NRXN3: variants seen among roughly 807,000 people sequenced by gnomAD.
NRXN3 encodes the protein neurexin III.
Under a neutral mutation model 137.6 loss-of-function variants are expected in NRXN3, and 32 were observed. That is an observed-to-expected ratio of 0.23 (90% CI 0.18 to 0.31). The LOEUF (loss-of-function observed/expected upper bound fraction) is 0.31. Ranked by LOEUF, NRXN3 falls within the 10% of genes least tolerant of loss-of-function variation. The pLI is 1.00. For synonymous variants in NRXN3, 798 were observed against 784.5 expected, an observed-to-expected ratio of 1.02 and a Z score of -0.29; for missense variants, 1,574 against 2,062.5, an observed-to-expected ratio of 0.76 and a Z score of 4.59.
At chr14:78,877,431 C>T (rs1156446141) in intron 10 of NRXN3, among the ~76,000 whole-genome samples, 1 of 152,258 alleles carries the variant, frequency 6.6e-6, no homozygotes. Context: ...CAACTCTCCT[C>T]CTTTTCACTC....
At chr14:79,081,782 A>G (rs1267317209) in intron 15 of NRXN3, among the ~76,000 whole-genome samples, 1 of 152,166 alleles carries the variant, frequency 6.6e-6, no homozygotes, top group Non-Finnish European at 1.5e-5. Flanking sequence ...CATTTTCCTC[A>G]TAGTAAACCA....
chr14:78,307,778 A>G (rs377096806), intron 4 of NRXN3, among the ~76,000 whole-genome samples: 23 of 152,142 alleles, frequency 1.5e-4, no homozygotes, highest in African/African-American at 5.5e-4. Context: ...AGAAGCGATG[A>G]CATGAAACCT....
intron 4 of NRXN3, among the ~76,000 whole-genome samples, chr14:78,506,471 AT>A (rs1049788667): frequency 1.8e-4 from 28 of 151,974 alleles, no homozygotes; most frequent in African/African-American, 5.8e-4. Flanking sequence ...TGGTAGTTTT[AT>A]TTTTAATCTT....
intron 20 of NRXN3, among the ~76,000 whole-genome samples, chr14:79,851,033 A>T (rs1568451690): frequency 6.6e-6 from 1 of 152,310 alleles, no homozygotes; most frequent in East Asian, 1.9e-4. Context: ...CCTACTTGTA[A>T]GAGTTTTAAA....
At chr14:78,637,900 T>C (rs2097580762) in intron 4 of NRXN3, among the ~76,000 whole-genome samples, 1 of 152,268 alleles carries the variant, frequency 6.6e-6, no homozygotes, top group Non-Finnish European at 1.5e-5. Context: ...ACCTGGTGCA[T>C]AGTAGGCACC....
intron 15 of NRXN3, among the ~76,000 whole-genome samples, chr14:79,299,952 G>A (rs1206650284): frequency 6.6e-6 from 1 of 152,044 alleles, no homozygotes; most frequent in Non-Finnish European, 1.5e-5. Context: ...CCATGTATAA[G>A]ACATTGTGCA....
chr14:78,643,956 C>A (rs2097660708), intron 4 of NRXN3, among the ~76,000 whole-genome samples: 1 of 152,028 alleles, frequency 6.6e-6, no homozygotes, highest in Non-Finnish European at 1.5e-5. Flanking sequence ...TCCTGGCCAA[C>A]ATGGTGAAAC....
At chr14:79,450,815 G>A (rs901289509) in intron 15 of NRXN3, among the ~76,000 whole-genome samples, 4 of 151,838 alleles carry the variant, frequency 2.6e-5, no homozygotes, top group Admixed American at 6.6e-5. Flanking sequence ...GCAGTGGGCC[G>A]GGCTCACGCC....
At chr14:79,221,498 T>C (rs1414351525) in intron 15 of NRXN3, among the ~76,000 whole-genome samples, 1 of 152,052 alleles carries the variant, frequency 6.6e-6, no homozygotes, top group East Asian at 1.9e-4. Flanking sequence ...ATTTCTCTAA[T>C]GACCAGTGAT....
At chr14:78,493,921 C>A (rs1364901708) in intron 4 of NRXN3, among the ~76,000 whole-genome samples, 1 of 152,150 alleles carries the variant, frequency 6.6e-6, no homozygotes, top group Non-Finnish European at 1.5e-5. Flanking sequence ...GAAGTAAACA[C>A]GCTGCAATGA....
chr14:78,474,626 AG>A lies in NRXN3; in HGVS notation c.758-170491del, dbSNP rs201294325. 6.2e-3 allele frequency among the ~76,000 whole-genome samples: 951 copies of A among 152,290 alleles called. 7 individuals carry two copies. The highest frequency in any genetic ancestry group is 0.022 in the African/African-American group (897 of 41,568). On this transcript the variant is annotated intron_variant, in intron 4 of 20. Coordinates refer to ENST00000335750, the MANE Select transcript of NRXN3 (RefSeq NM_001330195.2). The stretch of plus-strand genomic sequence containing the variant: ...ACTAAAAATAAGTTCCTGGTTGCTA[AG>A]GGCATGAATATCAGGAAGGAATTGA...
chr14:79,268,748 G>A (rs1446098105), intron 15 of NRXN3, among the ~76,000 whole-genome samples: 1 of 152,172 alleles, frequency 6.6e-6, no homozygotes, highest in Non-Finnish European at 1.5e-5. Flanking sequence ...CCTCCTGGCT[G>A]TGTGAGTATA....
chr14:79,742,279 T>A (rs551682777), intron 19 of NRXN3, among the ~76,000 whole-genome samples: 45 of 152,188 alleles, frequency 3.0e-4, no homozygotes, highest in Non-Finnish European at 5.7e-4. Flanking sequence ...TCTTTTGGAG[T>A]TTTGCATGAT....
At chr14:79,458,159 T>C (rs2096281229) in intron 15 of NRXN3, among the ~76,000 whole-genome samples, 1 of 152,150 alleles carries the variant, frequency 6.6e-6, no homozygotes, top group Non-Finnish European at 1.5e-5. Context: ...TATCTATTTA[T>C]TTTTACAAAA....
intron 10 of NRXN3, among the ~76,000 whole-genome samples, chr14:78,820,039 T>C (rs1206613918): frequency 2.0e-5 from 3 of 152,108 alleles, no homozygotes; most frequent in African/African-American, 7.2e-5. Flanking sequence ...ATAAAGTCCT[T>C]AAAATTTTTA....
In NRXN3 at chr14:78,645,328, G is replaced by A; in HGVS notation, c.966G>A (p.Gly322=). The change falls in exon 5 of 21, where the codon GGG becomes GGA. Residue 322 remains glycine (G), a synonymous_variant. Transcript: ENST00000335750. ...DGAVSLVINL[G]SGAFEAIVEP... ...CGGTCTCCTTGGTCATTAACCTGGG[G>A]TCCGGGGCCTTTGAGGCCATTGTGG... is the stretch of plus-strand genomic sequence containing the variant. 1 of 1,598,856 alleles carries A rather than the reference G, an allele frequency of 6.3e-7. No homozygotes were observed. Among genetic ancestry groups the A allele is most frequent in the Non-Finnish European group, 8.5e-7 (1 of 1,179,722 alleles).
At chr14:78,412,884 G>T (rs12893431) in intron 4 of NRXN3, among the ~76,000 whole-genome samples, 1 of 152,040 alleles carries the variant, frequency 6.6e-6, no homozygotes, top group Non-Finnish European at 1.5e-5. Context: ...GCCTGCTGTG[G>T]GTATTGAATG....
intron 4 of NRXN3, among the ~76,000 whole-genome samples, chr14:78,641,028 G>A (rs1362164889): frequency 6.6e-6 from 1 of 152,066 alleles, no homozygotes; most frequent in East Asian, 1.9e-4. Flanking sequence ...ATAAATACAA[G>A]GTGACTGCAT....
chr14:79,182,281 C>T (rs2063012429), intron 15 of NRXN3, among the ~76,000 whole-genome samples: 1 of 148,898 alleles, frequency 6.7e-6, no homozygotes, highest in Admixed American at 6.9e-5. Flanking sequence ...AAGTACATTA[C>T]ATTTATTGTG....
Sources: gnomAD v4.1 joint callset for allele counts (sites outside exome capture counted in the v4.1 genomes callset) on GRCh38, gnomAD v4.1.1 for gene constraint, MANE v1.5 for transcripts, NCBI Gene and HGNC (gene_info 2026-07-23, HGNC 2026-07-21) for gene names.